Variants in MAP3K21 observed in about 807,000 individuals in gnomAD.
MAP3K21 encodes mitogen-activated protein kinase kinase kinase 21.
In MAP3K21, 63 loss-of-function variants were observed where a neutral mutation model predicts 86.1. The ratio of observed to expected loss-of-function variants is 0.73; its 90% CI spans 0.60 to 0.90. MAP3K21 has a LOEUF of 0.90. Ranked by LOEUF, MAP3K21 falls within the 40% of genes least tolerant of loss-of-function variation. The pLI, the probability that MAP3K21 is intolerant of heterozygous loss-of-function variation, is 0.00. For synonymous variants in MAP3K21, 558 were observed against 564.8 expected, an observed-to-expected ratio of 0.99 and a Z score of 0.17; for missense variants, 1,220 against 1,367.7, an observed-to-expected ratio of 0.89 and a Z score of 1.70.
chr1:233,378,492 G>T lies in MAP3K21; in HGVS notation c.1925-439G>T, dbSNP rs564892597. Among the ~76,000 whole-genome samples the T allele has an allele frequency of 3.3e-5, 5 of 152,330 alleles. No homozygotes were observed. The East Asian group carries it at 5.8e-4, about 18-fold the overall frequency. The stretch of plus-strand genomic sequence containing the variant: ...CACACACTTTGAGAACTGCTGATCT[G>T]CTACAGAACAGTTAGTTTATACACA... On this transcript the variant is annotated intron_variant, in intron 8 of 9. Transcript: ENST00000366624.
chr1:233,378,926 T>C lies in MAP3K21; in HGVS notation c.1925-5T>C. 6.3e-7 allele frequency: 1 copy of C among 1,598,912 alleles called. No homozygotes were observed. On this transcript the variant is annotated splice_region_variant and splice_polypyrimidine_tract_variant and intron_variant, in intron 8 of 9. Transcript: ENST00000366624. ...TACAGTGTATGTACTTATACCTTTA[T>C]TTAGGGTCCTGTGAAGAGCCAAAAC... is the stretch of plus-strand genomic sequence containing the variant.
At chr1:233,376,585 T>C in intron 8 of MAP3K21, 58 bp downstream of exon 8, 2 of 1,250,948 alleles carry the variant, frequency 1.6e-6, no homozygotes. Flanking sequence ...CTGATTGTGC[T>C]GAAGCTTTGC....
chr1:233,372,532 T>G (rs187630213), intron 6 of MAP3K21: 18 of 262,676 alleles, frequency 6.9e-5, no homozygotes, highest in Non-Finnish European at 2.1e-5. Context: ...TCAGGATTAC[T>G]TCTGTTTCTT....
rs41305715 is a variant in MAP3K21, at chr1:233,379,408, T to C, written c.2402T>C (p.Ile801Thr). The C allele has an allele frequency of 1.1e-4, 179 of 1,614,204 alleles. 1 individual carries two copies. Among genetic ancestry groups the C allele is most frequent in the Non-Finnish European group, 1.4e-4 (161 of 1,180,036 alleles). Residue 801 changes from isoleucine to threonine, a missense_variant, in exon 9 of 10, where the codon ATC becomes ACC. Ile to Thr is a moderately conservative substitution (Grantham distance 89, BLOSUM62 -1). This residue lies in a region of MAP3K21 where 632 missense variants were observed against 691.3 expected (regional missense o/e 0.91). Transcript: ENST00000366624. ...CTGCCACTGTCAAGTGCCCTGGGCATCCTCTCCACACCTTCTTTCTCCACA... is the reference window on the plus strand; with the variant it reads ...CTGCCACTGTCAAGTGCCCTGGGCACCCTCTCCACACCTTCTTTCTCCACA... ...PSLPLSSALGILSTPSFSTKC... is the reference protein window; with the variant it reads ...PSLPLSSALGTLSTPSFSTKC...
chr1:233,377,488 G>T (rs1189710669), intron 8 of MAP3K21, among the ~76,000 whole-genome samples: 1 of 152,176 alleles, frequency 6.6e-6, no homozygotes, highest in East Asian at 1.9e-4. Context: ...GGAAAAGGGA[G>T]CTTGGGTCAG....
chr1:233,353,457 A>G (rs1663289403), intron 2 of MAP3K21, among the ~76,000 whole-genome samples: 1 of 152,180 alleles, frequency 6.6e-6, no homozygotes, highest in African/African-American at 2.4e-5. Flanking sequence ...GAAAAATGAG[A>G]TAGAAAGAGA....
intron 1 of MAP3K21, among the ~76,000 whole-genome samples, chr1:233,331,921 T>G (rs1051801376): frequency 5.3e-5 from 8 of 152,184 alleles, no homozygotes; most frequent in African/African-American, 1.9e-4. Context: ...TTAAGCAACA[T>G]TTATGTTTTA....
intron 1 of MAP3K21, among the ~76,000 whole-genome samples, chr1:233,339,398 T>TCTCCTCCTCCTCCTCCTCCTTCTC (rs1558451293): frequency 3.9e-5 from 4 of 102,812 alleles, no homozygotes; most frequent in South Asian, 6.1e-4. Flanking sequence ...TTCTCCTCCT[T>TCTCCTCCTCCTCCTCCTCCTTCTC]CTCCTCCTCC....
In MAP3K21 at chr1:233,382,456, C is replaced by A; in HGVS notation, c.2856C>A (p.Ser952Arg). 6.2e-7 allele frequency: 1 copy of A among 1,614,174 alleles called. No individual in the cohort carries two copies. The highest frequency in any genetic ancestry group is 8.5e-7 in the Non-Finnish European group (1 of 1,180,028). The change falls in exon 10 of 10, where the codon AGC becomes AGA. Residue 952 changes from serine (S) to arginine (R), a missense_variant. This residue lies in a region of MAP3K21 where 632 missense variants were observed against 691.3 expected (regional missense o/e 0.91). Coordinates refer to ENST00000366624, the MANE Select transcript of MAP3K21 (RefSeq NM_032435.3). ...AGCGTCGCCCTGCCTCCCTGAGAAGCCGCTCAGATCTGCCTCAGGCTTACC... is the reference window on the plus strand; with the variant it reads ...AGCGTCGCCCTGCCTCCCTGAGAAGACGCTCAGATCTGCCTCAGGCTTACC... ...VPQRRPASLR[S>R]RSDLPQAYPQ... is the part of the protein sequence containing the mutation.
At position 233,372,096 on chromosome 1, in the gene MAP3K21, G is replaced by C; in HGVS notation, c.1611G>C (p.Leu537=). 6.2e-7 allele frequency: 1 copy of C among 1,614,182 alleles called. No homozygotes were observed. Among genetic ancestry groups the C allele is most frequent in the Non-Finnish European group, 8.5e-7 (1 of 1,180,004 alleles). Residue 537 remains leucine, a synonymous_variant, in exon 6 of 10, where the codon CTG becomes CTC. Transcript: ENST00000366624. ...ASPNLDKRRS[L]NSSSSSPPSS... is the part of the protein sequence containing the mutation. Reference sequence around the variant, plus strand: ...CCAACTTGGACAAACGGCGGAGCCTGAACAGCAGCAGTTCCAGTCCCCCGA... The same window carrying C: ...CCAACTTGGACAAACGGCGGAGCCTCAACAGCAGCAGTTCCAGTCCCCCGA...
chr1:233,339,886 G>C (rs780005548), intron 1 of MAP3K21, among the ~76,000 whole-genome samples: 17 of 152,122 alleles, frequency 1.1e-4, no homozygotes, highest in Admixed American at 2.0e-4. Context: ...GAAAGAAAAA[G>C]CTTATAATAA....
intron 4 of MAP3K21, among the ~76,000 whole-genome samples, chr1:233,358,473 G>GTTGTT (rs71574857): frequency 3.9e-4 from 55 of 141,646 alleles, no homozygotes; most frequent in African/African-American, 1.4e-3. Context: ...ACTCTAATTT[G>GTTGTT]TTTTTTTTTT....
chr1:233,357,300 T>C (rs1303040111), intron 4 of MAP3K21, among the ~76,000 whole-genome samples: 1 of 151,832 alleles, frequency 6.6e-6, no homozygotes, highest in East Asian at 1.9e-4. Flanking sequence ...ATATACCTAA[T>C]GTAAATGATG....
At chr1:233,366,023 A>C (rs565331210) in intron 5 of MAP3K21, among the ~76,000 whole-genome samples, 1 of 152,332 alleles carries the variant, frequency 6.6e-6, no homozygotes, top group South Asian at 2.1e-4. Flanking sequence ...AAAAAGAATA[A>C]AATTCTATCT....
In MAP3K21 at chr1:233,339,280, T is replaced by TTCCTGTTCTTCTTCC. The variant is rs1558450919; in HGVS notation, c.806-7160_806-7159insCTGTTCTTCTTCCTC. ...CTTCTTCTTCTTCCTCTTCTTCTTC[T>TTCCTGTTCTTCTTCC]TCTTCTTCTTCCTCTTCTTCTTCCT... On this transcript the variant is annotated intron_variant, in intron 1 of 9. Coordinates refer to ENST00000366624, the MANE Select transcript of MAP3K21 (RefSeq NM_032435.3). 2.0e-4 allele frequency among the ~76,000 whole-genome samples: 10 copies of TTCCTGTTCTTCTTCC among 50,434 alleles called. 2 individuals are homozygous for TTCCTGTTCTTCTTCC. The highest frequency in any genetic ancestry group is 1.5e-3 in the East Asian group (2 of 1,366). The allele number at this position is 50,434 out of a possible 152,430, so 33.1% of individuals were successfully genotyped here.
chr1:233,349,448 T>C (rs1663206402), intron 2 of MAP3K21, among the ~76,000 whole-genome samples: 2 of 152,214 alleles, frequency 1.3e-5, no homozygotes, highest in South Asian at 4.1e-4. Flanking sequence ...ATACGAATGC[T>C]GTGCGGTCAT....
intron 8 of MAP3K21, 74 bp downstream of exon 8, chr1:233,376,601 C>A: frequency 9.7e-7 from 1 of 1,031,166 alleles, no homozygotes; most frequent in Non-Finnish European, 1.5e-6. Flanking sequence ...TTTGCTTTTA[C>A]AGTCTTACGT....
rs555568282 is a variant in MAP3K21, at chr1:233,327,771, G to A, written c.-258G>A. The A allele has an allele frequency of 3.6e-3, 1,069 of 299,060 alleles. 13 individuals carry two copies. Among genetic ancestry groups the A allele is most frequent in the African/African-American group, 0.022 (998 of 45,462 alleles). The allele number at this position is 299,060 out of a possible 1,614,324, so 18.5% of individuals were successfully genotyped here. ...CGCGCGGCGGGCGGGCCGGCCGCAG[G>A]GCCTGGGCACGACCATGGTGGGACG... On this transcript the variant is annotated 5_prime_UTR_variant, in exon 1 of 10. Transcript: ENST00000366624.
chr1:233,345,138 TGTAAACTG>T (rs1184557457), intron 1 of MAP3K21, among the ~76,000 whole-genome samples: 2 of 152,082 alleles, frequency 1.3e-5, no homozygotes, highest in Non-Finnish European at 2.9e-5. Flanking sequence ...TTGGTGGGAG[TGTAAACTG>T]GTTCAACCAT....
Sources: gnomAD v4.1 joint callset for allele counts (sites outside exome capture counted in the v4.1 genomes callset) on GRCh38, gnomAD v4.1.1 for gene constraint, gnomAD v4.1.1 regional missense constraint, MANE v1.5 for transcripts, NCBI Gene and HGNC (gene_info 2026-07-23, HGNC 2026-07-21) for gene names.